Variants in GULP1 observed in about 807,000 individuals in gnomAD.
GULP1 encodes the protein PTB domain-containing engulfment adapter protein 1.
GULP1 carries 19 observed loss-of-function variants against 40.9 expected under a neutral mutation model. That is an observed-to-expected ratio of 0.46 (90% CI 0.32 to 0.68). GULP1 has a LOEUF of 0.68. Among genes scored for constraint, GULP1 ranks in the 30% least tolerant of loss-of-function variants. The pLI is 0.03. For missense variants in GULP1, 312 were observed against 362.2 expected (o/e 0.86, Z 1.12); for synonymous variants, 119 against 117.6 (o/e 1.01, Z -0.08).
At chr2:188,320,589 C>G (rs1484090273) in intron 1 of GULP1, among the ~76,000 whole-genome samples, 1 of 151,874 alleles carries the variant, frequency 6.6e-6, no homozygotes, top group Non-Finnish European at 1.5e-5. Flanking sequence ...TATAGCAATG[C>G]AATGCAACAT....
chr2:188,350,298 A>G (rs554317387), intron 1 of GULP1, among the ~76,000 whole-genome samples: 1 of 152,114 alleles, frequency 6.6e-6, no homozygotes, highest in Admixed American at 6.6e-5. Context: ...AAATATTGCC[A>G]TTTTAACAAT....
At chr2:188,360,960 A>T (rs2045990682) in intron 1 of GULP1, among the ~76,000 whole-genome samples, 1 of 152,080 alleles carries the variant, frequency 6.6e-6, no homozygotes, top group Non-Finnish European at 1.5e-5. Context: ...TTTCTCTTTT[A>T]TGGTGGCGTG....
At chr2:188,380,831 A>G (rs1418158556) in intron 1 of GULP1, among the ~76,000 whole-genome samples, 1 of 152,172 alleles carries the variant, frequency 6.6e-6, no homozygotes, top group African/African-American at 2.4e-5. Context: ...TGCATATAGA[A>G]TATTTAAGAT....
intron 4 of GULP1, among the ~76,000 whole-genome samples, chr2:188,501,492 T>G (rs1454913878): frequency 6.6e-6 from 1 of 151,722 alleles, no homozygotes; most frequent in African/African-American, 2.4e-5. Flanking sequence ...ATACACATAC[T>G]TTGCCAGAAG....
chr2:188,334,694 A>G (rs1358323904), intron 1 of GULP1, among the ~76,000 whole-genome samples: 1 of 152,234 alleles, frequency 6.6e-6, no homozygotes, highest in East Asian at 1.9e-4. Flanking sequence ...CAAAATCCAA[A>G]TTGTAAACAG....
At chr2:188,388,126 C>A (rs12693498) in intron 2 of GULP1, among the ~76,000 whole-genome samples, 30,815 of 149,610 alleles carry the variant, frequency 0.21, 3,323 homozygotes, top group African/African-American at 0.27. Context: ...TGAGAACATG[C>A]GGTGTTTGGT....
intron 1 of GULP1, among the ~76,000 whole-genome samples, chr2:188,377,843 A>G (rs775161561): frequency 1.3e-5 from 2 of 152,216 alleles, no homozygotes; most frequent in Non-Finnish European, 2.9e-5. Context: ...TTGAATTAAA[A>G]TAAATTTTTA....
intron 7 of GULP1, among the ~76,000 whole-genome samples, chr2:188,548,477 G>A (rs1256533926): frequency 2.0e-5 from 3 of 152,122 alleles, no homozygotes; most frequent in Non-Finnish European, 4.4e-5. Flanking sequence ...AATAAATGGA[G>A]AGATACTATT....
intron 2 of GULP1, among the ~76,000 whole-genome samples, chr2:188,450,884 G>C (rs566206132): frequency 6.6e-6 from 1 of 152,250 alleles, no homozygotes; most frequent in Admixed American, 6.5e-5. Context: ...AGCACCATCT[G>C]CTTCACAGCT....
At chr2:188,500,380 A>G (rs1307827947) in intron 4 of GULP1, among the ~76,000 whole-genome samples, 1 of 151,980 alleles carries the variant, frequency 6.6e-6, no homozygotes, top group African/African-American at 2.4e-5. Flanking sequence ...CAATCTTTAT[A>G]GGAAGCTAAT....
chr2:188,500,203 G>C (rs2063305446), intron 4 of GULP1, among the ~76,000 whole-genome samples: 1 of 151,838 alleles, frequency 6.6e-6, no homozygotes, highest in Admixed American at 6.6e-5. Flanking sequence ...CACTCATTTA[G>C]ATTTGGTAGG....
At chr2:188,589,557 T>A (rs1179798679) in intron 11 of GULP1, 6 of 383,056 alleles carry the variant, frequency 1.6e-5, no homozygotes, top group Non-Finnish European at 2.4e-5. Flanking sequence ...GGAAAAAAAA[T>A]TATGGAGTTT....
intron 1 of GULP1, among the ~76,000 whole-genome samples, chr2:188,382,124 A>G (rs2049076266): frequency 6.6e-6 from 1 of 152,152 alleles, no homozygotes; most frequent in Admixed American, 6.5e-5. Flanking sequence ...TTAGTGCTGT[A>G]GTTCAGACTG....
intron 2 of GULP1, among the ~76,000 whole-genome samples, chr2:188,385,778 C>T (rs1574914486): frequency 6.6e-6 from 1 of 152,176 alleles, no homozygotes; most frequent in Non-Finnish European, 1.5e-5. Flanking sequence ...AAAATGCCGC[C>T]AGTCTCTTTC....
intron 1 of GULP1, among the ~76,000 whole-genome samples, chr2:188,336,040 G>A (rs938358775): frequency 6.6e-6 from 1 of 152,132 alleles, no homozygotes; most frequent in Non-Finnish European, 1.5e-5. Context: ...ACCTATGCAT[G>A]TTGTGTTATA....
At chr2:188,486,184 A>C (rs1253143319) in intron 4 of GULP1, among the ~76,000 whole-genome samples, 1 of 152,022 alleles carries the variant, frequency 6.6e-6, no homozygotes, top group Non-Finnish European at 1.5e-5. Flanking sequence ...AGTCAGTTTG[A>C]ATCAAGAGTG....
At chr2:188,582,323 T>C (rs1356021000) in intron 9 of GULP1, 1 of 469,436 alleles carries the variant, frequency 2.1e-6, no homozygotes, top group Non-Finnish European at 4.4e-6. Flanking sequence ...TATTTCTTTT[T>C]CTGTCATTCC....
intron 10 of GULP1, among the ~76,000 whole-genome samples, chr2:188,586,866 CTTTTTTAA>C (rs973254000): frequency 2.0e-4 from 30 of 151,728 alleles, no homozygotes; most frequent in East Asian, 3.9e-4. Flanking sequence ...AATATTATTT[CTTTTTTAA>C]TTTTTTAATT....
chr2:188,371,617 TAAAAG>T (rs981145719), intron 1 of GULP1, among the ~76,000 whole-genome samples: 39 of 152,140 alleles, frequency 2.6e-4, no homozygotes, highest in African/African-American at 8.9e-4. Flanking sequence ...GCATTTAAAT[TAAAAG>T]AAACTTACAA....
Sources: allele counts gnomAD v4.1 joint callset (sites outside exome capture counted in the v4.1 genomes callset), GRCh38; gene constraint gnomAD v4.1.1; transcripts MANE v1.5; gene names NCBI Gene and HGNC (gene_info 2026-07-23, HGNC 2026-07-21).